The following GPT2 variants were observed in gnomAD, a reference collection of about 807,000 sequenced individuals.
GPT2 encodes the protein glutamic--pyruvic transaminase 2.
Under a neutral mutation model 56.9 loss-of-function variants are expected in GPT2, and 30 were observed. The ratio of observed to expected loss-of-function variants is 0.53; its 90% CI spans 0.39 to 0.72. GPT2 has a LOEUF of 0.72. Among genes scored for constraint, GPT2 ranks in the 30% least tolerant of loss-of-function variants. The pLI is 0.00. For missense variants in GPT2, 542 were observed against 703.4 expected (o/e 0.77, Z 2.60); for synonymous variants, 271 against 283.1 (o/e 0.96, Z 0.43).
intron 4 of GPT2, among the ~76,000 whole-genome samples, chr16:46,905,802 C>T (rs1960913233): frequency 6.6e-6 from 1 of 152,212 alleles, no homozygotes; most frequent in Non-Finnish European, 1.5e-5. Context: ...GGATACGGAG[C>T]TGCCAACCCC....
At position 46,929,138 on chromosome 16, in the gene GPT2, G is replaced by A. The variant is rs1187272357; in HGVS notation, c.*141G>A. On this transcript the variant is annotated 3_prime_UTR_variant, in exon 12 of 12. Coordinates refer to ENST00000340124, the MANE Select transcript of GPT2 (RefSeq NM_133443.4). ...TCGTCATCATTTTGCCCCTGGAGACGTCTTTCTTTGTGCCTTGATGTTGAG... is the reference window on the plus strand; with the variant it reads ...TCGTCATCATTTTGCCCCTGGAGACATCTTTCTTTGTGCCTTGATGTTGAG... 2.6e-5 allele frequency: 17 copies of A among 649,962 alleles called. No individual in the cohort carries two copies. Among genetic ancestry groups the A allele is most frequent in the Non-Finnish European group, 3.9e-5 (14 of 361,398 alleles). 40.3% of individuals were successfully genotyped at this position (649,962 alleles called of 1,614,324 possible).
intron 2 of GPT2, among the ~76,000 whole-genome samples, chr16:46,888,439 C>G (rs1024833321): frequency 6.6e-5 from 10 of 152,010 alleles, no homozygotes; most frequent in African/African-American, 2.4e-4. Flanking sequence ...CTCCGCCTCC[C>G]GGGTTGAAGT....
At chr16:46,896,347 C>A (rs1960685305) in intron 2 of GPT2, among the ~76,000 whole-genome samples, 1 of 152,200 alleles carries the variant, frequency 6.6e-6, no homozygotes, top group Non-Finnish European at 1.5e-5. Context: ...CCAGTGATGT[C>A]ACAAGGGTCT....
chr16:46,909,726 A>G lies in GPT2; in HGVS notation c.619A>G (p.Thr207Ala). 1.2e-6 allele frequency: 2 copies of G among 1,614,082 alleles called. No homozygotes were observed. Among genetic ancestry groups the G allele is most frequent in the Non-Finnish European group, 1.7e-6 (2 of 1,180,006 alleles). The change falls in exon 6 of 12, where the codon ACA (threonine) becomes GCA (alanine). Residue 207 changes from threonine to alanine, a missense_variant. Coordinates refer to ENST00000340124, the MANE Select transcript of GPT2 (RefSeq NM_133443.4). ...CGTCTCCGGGGGCGGCAAGTCACGG[A>G]CAGGTGTGATGATCCCCATCCCACA... ...ILVSGGGKSR[T>A]GVMIPIPQYP...
rs1340719787 is a variant in GPT2, at chr16:46,927,152, C to CT, written c.1481+116dup. ...GAGAGAGGTGCGGAGACCCTGTCCT[C>CT]TCTCGAGTCACCCCTACTCTGTCCT... On this transcript the variant is annotated intron_variant, in intron 11 of 11. Transcript: ENST00000340124. 6.8e-6 allele frequency: 4 copies of CT among 592,144 alleles called. No homozygotes were observed. The East Asian group carries it at 1.2e-4, about 18-fold the overall frequency. 36.7% of individuals were successfully genotyped at this position (592,144 alleles called of 1,614,324 possible). A position where few individuals can be genotyped will look rare whatever the true frequency, so the allele number is the denominator to read the frequency against.
chr16:46,910,482 G>A (rs1197216550), intron 6 of GPT2, among the ~76,000 whole-genome samples: 4 of 151,818 alleles, frequency 2.6e-5, no homozygotes, highest in African/African-American at 9.7e-5. Context: ...TTGAACCCAG[G>A]AGGCAGAGGT....
chr16:46,924,649 C>G (rs973622930), intron 10 of GPT2, 105 bp downstream of exon 10: 1 of 1,224,304 alleles, frequency 8.2e-7, no homozygotes, highest in African/African-American at 1.5e-5. Context: ...GCCCTGGAGG[C>G]TCGGAACTGT....
rs1961537168 is a variant in GPT2, at chr16:46,931,158, T to A, written c.*2161T>A. On this transcript the variant is annotated 3_prime_UTR_variant, in exon 12 of 12. Coordinates refer to ENST00000340124, the MANE Select transcript of GPT2 (RefSeq NM_133443.4). ...TATTCCTGTTCTGGTGTGTGTGGAG[T>A]GTTGGGGAGGAACAGATGCAGATCA... 6.6e-6 allele frequency: 1 copy of A among 151,958 alleles called. No homozygotes were observed. The highest frequency in any genetic ancestry group is 6.6e-5 in the Admixed American group (1 of 15,232). 9.4% of individuals were successfully genotyped at this position (151,958 alleles called of 1,614,324 possible).
intron 4 of GPT2, among the ~76,000 whole-genome samples, chr16:46,902,808 T>C (rs999615117): frequency 6.6e-6 from 1 of 152,076 alleles, no homozygotes; most frequent in Non-Finnish European, 1.5e-5. Flanking sequence ...GTATTTTTAG[T>C]AGAGATGAGA....
intron 6 of GPT2, among the ~76,000 whole-genome samples, chr16:46,910,910 A>G (rs577748853): frequency 6.6e-6 from 1 of 152,138 alleles, no homozygotes; most frequent in African/African-American, 2.4e-5. Flanking sequence ...TATTTTTAAG[A>G]CTGGTTTTTT....
intron 10 of GPT2, among the ~76,000 whole-genome samples, chr16:46,924,825 G>T (rs1961370162): frequency 1.3e-5 from 2 of 152,248 alleles, no homozygotes; most frequent in African/African-American, 4.8e-5. Flanking sequence ...CAGGTGAGAT[G>T]CCTGCGGGGG....
chr16:46,925,843 G>T (rs886884866), intron 10 of GPT2, among the ~76,000 whole-genome samples: 1 of 151,648 alleles, frequency 6.6e-6, no homozygotes, highest in African/African-American at 2.4e-5. Flanking sequence ...TAAAAAAAAA[G>T]AATCCCTGGG....
At position 46,929,143 on chromosome 16, in the gene GPT2, T is replaced by C; in HGVS notation, c.*146T>C. On this transcript the variant is annotated 3_prime_UTR_variant, in exon 12 of 12. Transcript: ENST00000340124. ...ATCATTTTGCCCCTGGAGACGTCTTTCTTTGTGCCTTGATGTTGAGAGCGC... is the reference window on the plus strand; with the variant it reads ...ATCATTTTGCCCCTGGAGACGTCTTCCTTTGTGCCTTGATGTTGAGAGCGC... 1.6e-6 allele frequency: 1 copy of C among 644,266 alleles called. No homozygotes were observed. Among genetic ancestry groups the C allele is most frequent in the Non-Finnish European group, 2.8e-6 (1 of 357,764 alleles). 39.9% of individuals were successfully genotyped at this position (644,266 alleles called of 1,614,324 possible).
chr16:46,898,975 C>CACAT (rs1455536931), intron 3 of GPT2, among the ~76,000 whole-genome samples: 3 of 132,142 alleles, frequency 2.3e-5, no homozygotes, highest in African/African-American at 9.2e-5. Flanking sequence ...TACACACACA[C>CACAT]ATATATATAT....
intron 10 of GPT2, among the ~76,000 whole-genome samples, chr16:46,926,079 C>T (rs1203690261): frequency 2.1e-5 from 3 of 146,078 alleles, no homozygotes; most frequent in Non-Finnish European, 3.0e-5. Context: ...TGTAGTGAGC[C>T]GAGATCACGC....
chr16:46,892,233 G>T (rs1194056713), intron 2 of GPT2, among the ~76,000 whole-genome samples: 1 of 152,018 alleles, frequency 6.6e-6, no homozygotes, highest in Non-Finnish European at 1.5e-5. Context: ...TGTCCTCCAG[G>T]TTCATCCATA....
chr16:46,898,982 A>ATG (rs1318713421), intron 3 of GPT2, among the ~76,000 whole-genome samples: 2 of 135,490 alleles, frequency 1.5e-5, no homozygotes, highest in Admixed American at 7.5e-5. Flanking sequence ...ACACATATAT[A>ATG]TATATATATA....
At position 46,900,791 on chromosome 16, in the gene GPT2, G is replaced by A; in HGVS notation, c.442+1G>A. The A allele has an allele frequency of 6.2e-7, 1 of 1,613,442 alleles. No individual in the cohort carries two copies. Among genetic ancestry groups the A allele is most frequent in the Non-Finnish European group, 8.5e-7 (1 of 1,179,438 alleles). ...CAGGCTTGTGGCGGGAACAGCCTGG[G>A]TGAGGCCCCAACTTGCCAGGCCCCT... On this transcript the variant is annotated splice_donor_variant, in intron 4 of 11. Transcript: ENST00000340124. LOFTEE classifies it high-confidence loss of function.
At chr16:46,894,410 A>G (rs964290937) in intron 2 of GPT2, among the ~76,000 whole-genome samples, 5 of 152,212 alleles carry the variant, frequency 3.3e-5, no homozygotes, top group African/African-American at 1.2e-4. Context: ...GTCTGCAACA[A>G]TTCAGTCAGG....
Sources: allele counts gnomAD v4.1 joint callset (sites outside exome capture counted in the v4.1 genomes callset), GRCh38; gene constraint gnomAD v4.1.1; transcripts MANE v1.5; gene names NCBI Gene and HGNC (gene_info 2026-07-23, HGNC 2026-07-21).